CTNNA2: variants seen among roughly 807,000 people sequenced by gnomAD.
CTNNA2 encodes catenin alpha 2, also known as catenin alpha-2.
A neutral mutation model predicts 101.0 loss-of-function variants in CTNNA2; 42 were observed. The ratio of observed to expected loss-of-function variants is 0.42; its 90% CI spans 0.32 to 0.54. The LOEUF (loss-of-function observed/expected upper bound fraction) is 0.54. Among genes scored for constraint, CTNNA2 ranks in the 20% least tolerant of loss-of-function variants. The probability of loss-of-function intolerance (pLI) is 0.14; values close to 1 mark genes in which losing one functional copy is unlikely to be tolerated. For synonymous variants in CTNNA2, 450 were observed against 456.4 expected (o/e 0.99, Z 0.18); for missense variants, 871 against 1,223.1 (o/e 0.71, Z 4.29).
intron 4 of CTNNA2, among the ~76,000 whole-genome samples, chr2:79,503,812 A>G (rs930807762): frequency 1.3e-5 from 2 of 152,198 alleles, no homozygotes; most frequent in Non-Finnish European, 2.9e-5. Context: ...TTGAAATGGA[A>G]GTTGATCCAC....
At chr2:80,078,721 T>G (rs1465979190) in intron 7 of CTNNA2, among the ~76,000 whole-genome samples, 1 of 152,202 alleles carries the variant, frequency 6.6e-6, no homozygotes, top group Non-Finnish European at 1.5e-5. Context: ...GCTGCTTTTT[T>G]GTTTTGTTTT....
intron 9 of CTNNA2, among the ~76,000 whole-genome samples, chr2:80,472,384 T>C (rs978818833): frequency 1.3e-5 from 2 of 152,164 alleles, no homozygotes; most frequent in African/African-American, 4.8e-5. Context: ...AGGGAGGTCG[T>C]GGAGAAGGTG....
chr2:79,945,311 G>A (rs1688422657), intron 7 of CTNNA2, among the ~76,000 whole-genome samples: 1 of 152,210 alleles, frequency 6.6e-6, no homozygotes, highest in South Asian at 2.1e-4. Flanking sequence ...AAAGTGCTGG[G>A]GTAACAGGAG....
intron 7 of CTNNA2, among the ~76,000 whole-genome samples, chr2:80,007,288 TA>T (rs1693440896): frequency 1.3e-5 from 2 of 152,294 alleles, no homozygotes; most frequent in African/African-American, 4.8e-5. Context: ...GTGTTAATTG[TA>T]AATGAACTCA....
At chr2:79,984,051 T>C (rs1691582856) in intron 7 of CTNNA2, among the ~76,000 whole-genome samples, 1 of 152,198 alleles carries the variant, frequency 6.6e-6, no homozygotes, top group Admixed American at 6.5e-5. Context: ...ACTCAAGCTG[T>C]GCCGAAGATT....
chr2:80,011,803 A>G (rs1201064042), intron 7 of CTNNA2, among the ~76,000 whole-genome samples: 1 of 152,150 alleles, frequency 6.6e-6, no homozygotes, highest in Non-Finnish European at 1.5e-5. Context: ...TCCAGTATCT[A>G]TGTTTTGTGA....
intron 7 of CTNNA2, among the ~76,000 whole-genome samples, chr2:80,013,879 T>G (rs1693954399): frequency 2.0e-5 from 3 of 152,186 alleles, no homozygotes; most frequent in African/African-American, 7.2e-5. Context: ...CCTCCTCCAG[T>G]AGCATGTAAT....
At chr2:79,615,635 TG>T (rs1678568720) in intron 1 of CTNNA2, among the ~76,000 whole-genome samples, 1 of 152,202 alleles carries the variant, frequency 6.6e-6, no homozygotes, top group Admixed American at 6.5e-5. Context: ...GTTTGGTATT[TG>T]AAGGAATTTT....
At chr2:80,300,284 GTGTGTGTGT>G (rs1676153205) in intron 7 of CTNNA2, among the ~76,000 whole-genome samples, 1 of 12,090 alleles carries the variant, frequency 8.3e-5, no homozygotes, top group African/African-American at 4.6e-4. Context: ...GTGTTGGGGT[GTGTGTGTGT>G]GTGTGTGTGT....
At chr2:79,530,231 T>C (rs1672655867) in intron 1 of CTNNA2, among the ~76,000 whole-genome samples, 1 of 152,194 alleles carries the variant, frequency 6.6e-6, no homozygotes, top group Admixed American at 6.6e-5. Context: ...CTTGCTAAGC[T>C]AAACTGTAAC....
At chr2:79,736,270 A>G (rs1670872301) in intron 2 of CTNNA2, among the ~76,000 whole-genome samples, 1 of 152,226 alleles carries the variant, frequency 6.6e-6, no homozygotes, top group Admixed American at 6.5e-5. Context: ...AGTATACCAG[A>G]AGGTAAGCGT....
chr2:80,463,373 A>G (rs1684607477), intron 9 of CTNNA2, among the ~76,000 whole-genome samples: 2 of 152,172 alleles, frequency 1.3e-5, no homozygotes, highest in South Asian at 4.1e-4. Context: ...ATTTTAATGT[A>G]TTGGTAGTTT....
chr2:79,705,630 T>C (rs559720222), intron 2 of CTNNA2, among the ~76,000 whole-genome samples: 20 of 152,342 alleles, frequency 1.3e-4, no homozygotes, highest in Middle Eastern at 3.4e-3. Flanking sequence ...GTTTATTTTA[T>C]GCTGGAGTCC....
intron 15 of CTNNA2, among the ~76,000 whole-genome samples, chr2:80,594,450 A>T (rs216638): frequency 0.2 from 30,620 of 151,752 alleles, 3,749 homozygotes; most frequent in African/African-American, 0.35. Context: ...CTCTCATTTT[A>T]TTGGTTTCTT....
intron 2 of CTNNA2, among the ~76,000 whole-genome samples, chr2:79,701,996 T>G (rs1157512133): frequency 1.8e-5 from 1 of 55,300 alleles, no homozygotes; most frequent in East Asian, 6.5e-4. Flanking sequence ...AGACTCTGTC[T>G]CAAAAAAAAA....
chr2:79,976,231 ATAATTAATGCCTATCTCTGG>A (rs1435696032), intron 7 of CTNNA2, among the ~76,000 whole-genome samples: 1 of 152,228 alleles, frequency 6.6e-6, no homozygotes, highest in Admixed American at 6.5e-5. Context: ...CCATTTAAAT[ATAATTAATGCCTATCTCTGG>A]TATAACAAGG....
chr2:80,135,159 T>C (rs889278572), intron 7 of CTNNA2, among the ~76,000 whole-genome samples: 3 of 152,130 alleles, frequency 2.0e-5, no homozygotes, highest in Non-Finnish European at 4.4e-5. Context: ...GGTGTGGGGA[T>C]TAGGCTTGGG....
chr2:79,296,204 C>A lies in CTNNA2; in HGVS notation c.-405-16505C>A, dbSNP rs1675976596. On this transcript the variant is annotated intron_variant, in intron 2 of 21. Coordinates refer to the CTNNA2 transcript ENST00000466387. ...ATACAAACATTACAATGTTAAAGAACATTTCCCACAGCAGATAAGGAATCA... is the reference window on the plus strand; with the variant it reads ...ATACAAACATTACAATGTTAAAGAAAATTTCCCACAGCAGATAAGGAATCA... Among the ~76,000 whole-genome samples the A allele has an allele frequency of 2.6e-5, 4 of 152,208 alleles. No individual in the cohort carries two copies. The South Asian group carries it at 8.3e-4, about 32-fold the overall frequency.
At chr2:79,713,682 G>A (rs1685888709) in intron 2 of CTNNA2, among the ~76,000 whole-genome samples, 1 of 152,064 alleles carries the variant, frequency 6.6e-6, no homozygotes, top group African/African-American at 2.4e-5. Context: ...CAATAGAAAG[G>A]TAAGCAGGGA....
Sources: allele counts gnomAD v4.1 joint callset (sites outside exome capture counted in the v4.1 genomes callset), GRCh38; gene constraint gnomAD v4.1.1; transcripts MANE v1.5; gene names NCBI Gene and HGNC (gene_info 2026-07-23, HGNC 2026-07-21).